TRPM3: variants seen among roughly 807,000 people sequenced by gnomAD.
TRPM3 encodes long transient receptor potential channel 3.
A neutral mutation model predicts 181.2 loss-of-function variants in TRPM3; 77 were observed. That is an observed-to-expected ratio of 0.42 (90% CI 0.35 to 0.51). The LOEUF is 0.51. Ranked by LOEUF, TRPM3 falls within the 20% of genes least tolerant of loss-of-function variation. The pLI is 0.01. For synonymous variants in TRPM3, 745 were observed against 796.4 expected, an observed-to-expected ratio of 0.94 and a Z score of 1.09; for missense variants, 1,759 against 2,196.7, an observed-to-expected ratio of 0.80 and a Z score of 3.98.
chr9:70,692,166 T>A (rs2068804086), intron 8 of TRPM3, among the ~76,000 whole-genome samples: 2 of 152,220 alleles, frequency 1.3e-5, no homozygotes, highest in Admixed American at 1.3e-4. Context: ...TCCATTAACA[T>A]TATCACCAAG....
chr9:71,029,103 A>AC (rs2056963405), intron 1 of TRPM3, among the ~76,000 whole-genome samples: 1 of 152,116 alleles, frequency 6.6e-6, no homozygotes, highest in Non-Finnish European at 1.5e-5. Flanking sequence ...AAAAAAAAAA[A>AC]CTTTTTGGTT....
chr9:71,444,148 C>T lies in TRPM3; in HGVS notation c.183+2505G>A, dbSNP rs141895077. Among the ~76,000 whole-genome samples the T allele has an allele frequency of 6.9e-3, 927 of 133,752 alleles. 14 individuals carry two copies. The highest frequency in any genetic ancestry group is 0.025 in the African/African-American group (887 of 35,624). The allele number at this position is 133,752 out of a possible 152,430, so 87.7% of individuals were successfully genotyped here. A position where few individuals can be genotyped will look rare whatever the true frequency, so the allele number is the denominator to read the frequency against. ...GAGCCAAGATTGTGCCACTGCACTC[C>T]AGCCTGGCGACAGAGCAAGAATACA... On this transcript the variant is annotated intron_variant, in intron 1 of 24. Coordinates refer to the TRPM3 transcript ENST00000357533.
intron 1 of TRPM3, among the ~76,000 whole-genome samples, chr9:70,891,104 G>A (rs995299892): frequency 6.6e-6 from 1 of 151,998 alleles, no homozygotes; most frequent in African/African-American, 2.4e-5. Context: ...ACACCAACAT[G>A]GTACATGTAT....
chr9:70,687,023 G>A (rs908879034), intron 8 of TRPM3, among the ~76,000 whole-genome samples: 4 of 151,668 alleles, frequency 2.6e-5, no homozygotes, highest in Non-Finnish European at 4.4e-5. Flanking sequence ...GTTTCACCCC[G>A]GGCTCAAGTG....
intron 1 of TRPM3, among the ~76,000 whole-genome samples, chr9:71,202,290 C>T (rs761250028): frequency 1.8e-4 from 26 of 146,606 alleles, no homozygotes; most frequent in Non-Finnish European, 3.4e-4. Flanking sequence ...GTCAGGGACC[C>T]ACTTGAGGAG....
chr9:71,143,147 AAG>A (rs1299673049), intron 1 of TRPM3, among the ~76,000 whole-genome samples: 4 of 151,642 alleles, frequency 2.6e-5, no homozygotes, highest in East Asian at 1.9e-4. Context: ...AAAAAAAAAA[AAG>A]AAGTTTTTTG....
At chr9:71,180,286 C>T (rs1400096750) in intron 1 of TRPM3, among the ~76,000 whole-genome samples, 1 of 151,978 alleles carries the variant, frequency 6.6e-6, no homozygotes, top group Non-Finnish European at 1.5e-5. Context: ...AACTCCTGAC[C>T]TCAGGTGATC....
At position 71,039,117 on chromosome 9, in the gene TRPM3, G is replaced by A. The variant is rs140867092; in HGVS notation, c.177+82061C>T. On this transcript the variant is annotated intron_variant, in intron 1 of 25. Transcript: ENST00000677713. ...CATATTAATCACCTTTTTACCCACC[G>A]ATTCTGGCACTCTCATGGAAGCCAG... 1.8e-3 allele frequency among the ~76,000 whole-genome samples: 277 copies of A among 152,240 alleles called. 2 individuals are homozygous for A. The highest frequency in any genetic ancestry group is 6.5e-3 in the African/African-American group (270 of 41,544).
At chr9:71,118,713 T>TAAGGAGA (rs1565236590) in intron 1 of TRPM3, among the ~76,000 whole-genome samples, 1 of 152,130 alleles carries the variant, frequency 6.6e-6, no homozygotes, top group African/African-American at 2.4e-5. Flanking sequence ...TTGGCTTTGT[T>TAAGGAGA]ACCTTAAGAT....
chr9:71,214,321 AAGG>A (rs3041685), intron 1 of TRPM3, among the ~76,000 whole-genome samples: 65,031 of 151,794 alleles, frequency 0.43, 14,306 homozygotes, highest in East Asian at 0.52. Flanking sequence ...ATCTTAGTAG[AAGG>A]AGAACAGTTT....
intron 1 of TRPM3, among the ~76,000 whole-genome samples, chr9:71,034,057 A>C (rs1684980876): frequency 6.6e-6 from 1 of 152,240 alleles, no homozygotes; most frequent in African/African-American, 2.4e-5. Context: ...GAGAATGTGC[A>C]AACTCCACAT....
chr9:70,578,317 A>C (rs1033785113), intron 22 of TRPM3, among the ~76,000 whole-genome samples: 2 of 146,014 alleles, frequency 1.4e-5, no homozygotes, highest in African/African-American at 5.0e-5. Context: ...AAAAAAAAAA[A>C]AAGACTGGTG....
intron 22 of TRPM3, among the ~76,000 whole-genome samples, chr9:70,568,197 A>T (rs539670480): frequency 6.6e-6 from 1 of 152,386 alleles, no homozygotes; most frequent in Non-Finnish European, 1.5e-5. Flanking sequence ...CAACATGCAC[A>T]GACACAAGGC....
At chr9:70,797,984 G>C (rs1184300006) in intron 6 of TRPM3, among the ~76,000 whole-genome samples, 1 of 152,200 alleles carries the variant, frequency 6.6e-6, no homozygotes, top group African/African-American at 2.4e-5. Context: ...GTCATATCTT[G>C]GGTTCCACCA....
At chr9:71,084,430 G>A (rs981325180) in intron 1 of TRPM3, among the ~76,000 whole-genome samples, 1 of 151,912 alleles carries the variant, frequency 6.6e-6, no homozygotes, top group Non-Finnish European at 1.5e-5. Context: ...TAAAGTTTCA[G>A]GATACAAAAT....
intron 1 of TRPM3, among the ~76,000 whole-genome samples, chr9:71,432,371 A>C (rs2093970556): frequency 8.6e-6 from 1 of 116,206 alleles, no homozygotes; most frequent in South Asian, 2.6e-4. Context: ...TTCCTTCTGC[A>C]TACATTTTCA....
intron 6 of TRPM3, chr9:70,825,331 T>G (rs946738202): frequency 6.6e-6 from 1 of 152,240 alleles, no homozygotes; most frequent in African/African-American, 2.4e-5. Context: ...TGGGCTTTTA[T>G]AACTCTCCTC....
At chr9:71,077,057 C>G (rs187214154) in intron 1 of TRPM3, among the ~76,000 whole-genome samples, 1 of 152,176 alleles carries the variant, frequency 6.6e-6, no homozygotes, top group Non-Finnish European at 1.5e-5. Context: ...TCTTTCTTCC[C>G]TTTCAACTCC....
intron 1 of TRPM3, among the ~76,000 whole-genome samples, chr9:71,346,161 G>T (rs542631537): frequency 6.6e-6 from 1 of 152,236 alleles, no homozygotes; most frequent in East Asian, 1.9e-4. Flanking sequence ...AAAATTATAT[G>T]ACATATTCAT....
Sources: allele counts gnomAD v4.1 joint callset (sites outside exome capture counted in the v4.1 genomes callset), GRCh38; gene constraint gnomAD v4.1.1; transcripts MANE v1.5; gene names NCBI Gene and HGNC (gene_info 2026-07-23, HGNC 2026-07-21).